Variants in MAGI2 observed in about 807,000 individuals in gnomAD.
The protein encoded by MAGI2 is membrane associated guanylate kinase, WW and PDZ domain containing 2, also known as membrane-associated guanylate kinase, WW and PDZ domain-containing protein 2.
In MAGI2, 35 loss-of-function variants were observed where a neutral mutation model predicts 133.3. The observed-to-expected ratio is 0.26, with a 90% CI of 0.20 to 0.35. The LOEUF (loss-of-function observed/expected upper bound fraction) is 0.35, where lower values mean the gene tolerates loss of function less well. MAGI2 is among the 10% of genes least tolerant of loss of function. MAGI2 has a pLI of 1.00. For synonymous variants in MAGI2, 729 were observed against 710.6 expected (o/e 1.03, Z -0.41); for missense variants, 1,636 against 1,863.4 (o/e 0.88, Z 2.25).
intron 1 of MAGI2, among the ~76,000 whole-genome samples, chr7:79,112,119 C>A (rs1818978336): frequency 6.6e-6 from 1 of 151,758 alleles, no homozygotes; most frequent in East Asian, 1.9e-4. Context: ...ATTGTAGTAA[C>A]TATCATTCTA....
intron 1 of MAGI2, among the ~76,000 whole-genome samples, chr7:79,101,878 T>A (rs1160980702): frequency 6.6e-6 from 1 of 151,860 alleles, no homozygotes; most frequent in East Asian, 1.9e-4. Context: ...AACATATATA[T>A]CATATATTTC....
At chr7:79,060,683 T>C (rs1813644561) in intron 1 of MAGI2, among the ~76,000 whole-genome samples, 1 of 152,064 alleles carries the variant, frequency 6.6e-6, no homozygotes, top group Non-Finnish European at 1.5e-5. Flanking sequence ...CTCTGGGTAA[T>C]GATAAAGCAC....
intron 1 of MAGI2, chr7:79,012,126 A>G (rs538946833): frequency 6.6e-6 from 1 of 152,190 alleles, no homozygotes; most frequent in South Asian, 2.1e-4. Flanking sequence ...TGCGAATGCA[A>G]CTGGCTTCAT....
chr7:78,290,651 C>A (rs1796609006), intron 9 of MAGI2, among the ~76,000 whole-genome samples: 1 of 152,198 alleles, frequency 6.6e-6, no homozygotes, highest in Non-Finnish European at 1.5e-5. Flanking sequence ...TTCTTCTCAG[C>A]ACCACATTGC....
At chr7:79,426,601 T>C (rs1187601138) in intron 1 of MAGI2, among the ~76,000 whole-genome samples, 1 of 152,184 alleles carries the variant, frequency 6.6e-6, no homozygotes, top group Admixed American at 6.6e-5. Flanking sequence ...AGTTACTACA[T>C]ATATAACTAG....
intron 1 of MAGI2, among the ~76,000 whole-genome samples, chr7:79,050,594 C>A (rs562200325): frequency 1.3e-5 from 2 of 152,240 alleles, no homozygotes; most frequent in South Asian, 4.1e-4. Flanking sequence ...GTTGCCAAGA[C>A]TGGTCTCAAA....
At chr7:78,928,537 T>A (rs546596163) in intron 2 of MAGI2, among the ~76,000 whole-genome samples, 88 of 152,198 alleles carry the variant, frequency 5.8e-4, no homozygotes, top group African/African-American at 2.1e-3. Flanking sequence ...CAGGGACTGC[T>A]GTCTCACCCA....
chr7:79,034,152 T>C (rs1810894719), intron 1 of MAGI2, among the ~76,000 whole-genome samples: 1 of 152,114 alleles, frequency 6.6e-6, no homozygotes, highest in Non-Finnish European at 1.5e-5. Flanking sequence ...TCCAAAAGAG[T>C]AATCTTTTAG....
At chr7:78,748,665 A>G (rs1194958842) in intron 2 of MAGI2, among the ~76,000 whole-genome samples, 1 of 150,826 alleles carries the variant, frequency 6.6e-6, no homozygotes, top group Non-Finnish European at 1.5e-5. Context: ...TATGGCACAA[A>G]TGCTTTGAAA....
chr7:78,697,298 G>A (rs1395877262), intron 2 of MAGI2, among the ~76,000 whole-genome samples: 1 of 152,076 alleles, frequency 6.6e-6, no homozygotes, highest in Non-Finnish European at 1.5e-5. Context: ...ATGGTGGTCT[G>A]GCTTATTGAG....
At chr7:79,378,261 A>G (rs1027790731) in intron 1 of MAGI2, among the ~76,000 whole-genome samples, 2 of 151,870 alleles carry the variant, frequency 1.3e-5, no homozygotes, top group Non-Finnish European at 2.9e-5. Flanking sequence ...CACAAGTTTC[A>G]ATAATATCAA....
rs1088559 is a variant in MAGI2, at chr7:78,270,203, G to A, written c.1409-13622C>T. ...ATAGTTTGAAGTCTGATAGCATGATGTCTCCAGTTTTGTTCTTTTTGCTTA... is the reference window on the plus strand; with the variant it reads ...ATAGTTTGAAGTCTGATAGCATGATATCTCCAGTTTTGTTCTTTTTGCTTA... On this transcript the variant is annotated intron_variant, in intron 9 of 21. Coordinates refer to ENST00000354212, the MANE Select transcript of MAGI2 (RefSeq NM_012301.4). 8.5e-3 allele frequency among the ~76,000 whole-genome samples: 1,296 copies of A among 152,256 alleles called. 19 individuals carry two copies. Among genetic ancestry groups the A allele is most frequent in the African/African-American group, 0.03 (1,250 of 41,540 alleles).
At chr7:78,400,884 G>A (rs1796794282) in intron 6 of MAGI2, among the ~76,000 whole-genome samples, 1 of 152,100 alleles carries the variant, frequency 6.6e-6, no homozygotes, top group East Asian at 1.9e-4. Flanking sequence ...ACATCCTGCT[G>A]CTTAATATGA....
chr7:78,306,415 T>C (rs1433652451), intron 9 of MAGI2, among the ~76,000 whole-genome samples: 1 of 152,180 alleles, frequency 6.6e-6, no homozygotes, highest in Non-Finnish European at 1.5e-5. Context: ...TTTAAATCCA[T>C]TTTAACTTGG....
At chr7:78,985,703 C>T (rs1012355612) in intron 2 of MAGI2, among the ~76,000 whole-genome samples, 9 of 152,036 alleles carry the variant, frequency 5.9e-5, no homozygotes, top group Non-Finnish European at 1.0e-4. Flanking sequence ...CGCCATCTAC[C>T]GTACACTGGA....
intron 9 of MAGI2, among the ~76,000 whole-genome samples, chr7:78,298,434 G>A (rs530610945): frequency 8.5e-5 from 13 of 152,302 alleles, no homozygotes; most frequent in African/African-American, 3.1e-4. Context: ...AAGGTAAGAT[G>A]TTAAGAAGAG....
intron 1 of MAGI2, among the ~76,000 whole-genome samples, chr7:79,281,990 C>A (rs893170504): frequency 6.6e-6 from 1 of 152,108 alleles, no homozygotes; most frequent in African/African-American, 2.4e-5. Context: ...CACTATAAAT[C>A]TTTTCATGGA....
At chr7:79,272,784 G>C (rs1303031215) in intron 1 of MAGI2, among the ~76,000 whole-genome samples, 1 of 151,952 alleles carries the variant, frequency 6.6e-6, no homozygotes, top group East Asian at 1.9e-4. Flanking sequence ...TTTTAGTTCA[G>C]ACAAATGATC....
intron 10 of MAGI2, among the ~76,000 whole-genome samples, chr7:78,232,322 G>T (rs1790063034): frequency 6.6e-6 from 1 of 152,020 alleles, no homozygotes; most frequent in Admixed American, 6.6e-5. Context: ...GACTGTTGCT[G>T]GGTTTATAAC....
Sources: gnomAD v4.1 joint callset for allele counts (sites outside exome capture counted in the v4.1 genomes callset) on GRCh38, gnomAD v4.1.1 for gene constraint, MANE v1.5 for transcripts, NCBI Gene and HGNC (gene_info 2026-07-23, HGNC 2026-07-21) for gene names.